IL36A: variants seen among roughly 807,000 people sequenced by gnomAD.
IL36A encodes interleukin-36 alpha.
In IL36A, 13 loss-of-function variants were observed where a neutral mutation model predicts 12.7. The ratio of observed to expected loss-of-function variants is 1.02; its 90% CI spans 0.67 to 1.63. The LOEUF is 1.63. Ranked by LOEUF, IL36A falls within the 40% of genes most tolerant of loss-of-function variation. The pLI is 0.00. For missense variants in IL36A, 195 were observed against 192.9 expected (o/e 1.01, Z -0.07); for synonymous variants, 73 against 71.9 (o/e 1.01, Z -0.08).
At chr2:113,008,977 C>A (rs1224353200), downstream of IL36A, among the ~76,000 whole-genome samples, 1 of 124,844 alleles carries the variant, frequency 8.0e-6, no homozygotes, top group Non-Finnish European at 1.7e-5. Flanking sequence ...CCCCTCCCCC[C>A]ACCCCACAAC....
chr2:113,007,139 C>A (rs781039476), intron 3 of IL36A, among the ~76,000 whole-genome samples: 72 of 152,110 alleles, frequency 4.7e-4, no homozygotes, highest in Non-Finnish European at 8.8e-4. Flanking sequence ...CGCAATTTTC[C>A]ATTATTAAAA....
At position 113,006,725 on chromosome 2, in the gene IL36A, A is replaced by C. The variant is rs188916293; in HGVS notation, c.252A>C (p.Thr84=). ...GTGCTAAAGTCGGGGACCAGCCCAC[A>C]CTGCAGCTGAAGGTGAGTGTGGAAG... ...LMCAKVGDQP[T]LQLKEKDIMD... is the part of the protein sequence containing the mutation. The change falls in exon 3 of 4, where the codon ACA becomes ACC. Residue 84 remains threonine (T), a synonymous_variant. Coordinates refer to ENST00000259211, the MANE Select transcript of IL36A (RefSeq NM_014440.3). 6.2e-7 allele frequency: 1 copy of C among 1,614,054 alleles called. No homozygotes were observed. Among genetic ancestry groups the C allele is most frequent in the Admixed American group, 1.7e-5 (1 of 60,010 alleles).
chr2:113,006,076 G>T lies in IL36A; in HGVS notation c.113G>T (p.Arg38Leu). Reference protein sequence around the residue: ...QTLIAVPRKDRMSPVTIALIS... With the variant: ...QTLIAVPRKDLMSPVTIALIS... ...CTCATAGCAGTCCCGAGGAAGGACC[G>T]TATGTCTCCAGGTGAGTAGCCACGG... The change falls in exon 2 of 4, where the codon CGT (arginine) becomes CTT (leucine). Residue 38 changes from arginine to leucine, a missense_variant. Coordinates refer to ENST00000259211, the MANE Select transcript of IL36A (RefSeq NM_014440.3). 6.2e-7 allele frequency: 1 copy of T among 1,609,584 alleles called. No individual in the cohort carries two copies. Among genetic ancestry groups the T allele is most frequent in the Admixed American group, 1.7e-5 (1 of 60,018 alleles).
At chr2:113,006,239 G>C (rs1350422724) in intron 2 of IL36A, 152 bp downstream of exon 2, 2 of 660,494 alleles carry the variant, frequency 3.0e-6, no homozygotes, top group African/African-American at 1.8e-5. Context: ...GTGAGCATAA[G>C]GTTGTTCTGG....
chr2:113,006,410 G>A (rs571505900), intron 2 of IL36A, among the ~76,000 whole-genome samples, 188 bp from the exon 3 acceptor site: 140 of 152,338 alleles, frequency 9.2e-4, no homozygotes, highest in African/African-American at 3.2e-3. Flanking sequence ...ATCCATGAAA[G>A]ACTGACTTTT....
At position 113,005,825 on chromosome 2, in the gene IL36A, C is replaced by T; in HGVS notation, c.-47C>T. 6.2e-7 allele frequency: 1 copy of T among 1,612,746 alleles called. No individual in the cohort carries two copies. The highest frequency in any genetic ancestry group is 8.5e-7 in the Non-Finnish European group (1 of 1,178,780). ...GGTCCTCTCTTGGGGTCGGTCTGCA[C>T]ATAAAAGGACTCCTATCCTTGGCAG... On this transcript the variant is annotated 5_prime_UTR_variant, in exon 1 of 4. Coordinates refer to ENST00000259211, the MANE Select transcript of IL36A (RefSeq NM_014440.3).
At chr2:113,008,216 C>T (rs1389766938), downstream of IL36A, among the ~76,000 whole-genome samples, 4 of 152,150 alleles carry the variant, frequency 2.6e-5, no homozygotes, top group Admixed American at 2.0e-4. Context: ...TCCCTGGGGC[C>T]ATGTGGAAAA....
At chr2:113,009,462 G>A (rs542220373), downstream of IL36A, among the ~76,000 whole-genome samples, 1 of 152,152 alleles carries the variant, frequency 6.6e-6, no homozygotes, top group Non-Finnish European at 1.5e-5. Flanking sequence ...TTCACCTAAA[G>A]TGTTATCACT....
chr2:113,006,824 A>T lies in IL36A; in HGVS notation c.264+87A>T, dbSNP rs193107742. On this transcript the variant is annotated intron_variant, in intron 3 of 3. Transcript: ENST00000259211. ...AAAAGACAATGTACTTATTATGCTCATGCATTTTTATTTTTGGTTTCCTTG... is the reference window on the plus strand; with the variant it reads ...AAAAGACAATGTACTTATTATGCTCTTGCATTTTTATTTTTGGTTTCCTTG... 4.9e-4 allele frequency: 686 copies of T among 1,410,180 alleles called. 5 individuals carry two copies. The African/African-American group carries it at 8.5e-3, about 18-fold the overall frequency. 87.4% of individuals were successfully genotyped at this position (1,410,180 alleles called of 1,614,324 possible).
chr2:113,010,094 A>G (rs553252469), downstream of IL36A, among the ~76,000 whole-genome samples: 1 of 152,272 alleles, frequency 6.6e-6, no homozygotes, highest in African/African-American at 2.4e-5. Context: ...ATGATTCCCA[A>G]AATAGTTCAT....
At chr2:113,010,724 A>G (rs1234018692), downstream of IL36A, among the ~76,000 whole-genome samples, 1 of 152,214 alleles carries the variant, frequency 6.6e-6, no homozygotes, top group Non-Finnish European at 1.5e-5. Flanking sequence ...TACTTGTATT[A>G]TGGCTTAAAA....
chr2:113,009,566 T>A (rs1416222581), downstream of IL36A, among the ~76,000 whole-genome samples: 1 of 152,232 alleles, frequency 6.6e-6, no homozygotes, highest in Non-Finnish European at 1.5e-5. Flanking sequence ...ATTGTGGTTA[T>A]AATATTGATT....
intron 2 of IL36A, 73 bp from the exon 3 acceptor site, chr2:113,006,525 C>T: frequency 6.4e-7 from 1 of 1,554,652 alleles, no homozygotes; most frequent in Non-Finnish European, 8.8e-7. Flanking sequence ...TAGCAGATTC[C>T]CTTAAAACTC....
chr2:113,009,476 C>T (rs1236205303), downstream of IL36A, among the ~76,000 whole-genome samples: 1 of 152,114 alleles, frequency 6.6e-6, no homozygotes, highest in East Asian at 1.9e-4. Context: ...TATCACTGGA[C>T]CTCAAAAGCA....
rs1684604395 is a variant in IL36A, at chr2:113,005,881, G to C, written c.10G>C (p.Ala4Pro). 6.2e-7 allele frequency: 1 copy of C among 1,613,950 alleles called. No individual in the cohort carries two copies. Residue 4 changes from alanine to proline, a missense_variant and splice_region_variant, in exon 1 of 4, where the codon GCA (alanine) becomes CCA (proline). Physicochemically the swap from Ala to Pro is conservative, Grantham distance 27 (BLOSUM62 -1). Coordinates refer to ENST00000259211, the MANE Select transcript of IL36A (RefSeq NM_014440.3). ...AAACAACACCACCACAATGGAAAAA[G>C]GTAAAGATCCTCGTGGAAGGGCGAA... MEK[A>P]LKIDTPQQGS... is the part of the protein sequence containing the mutation.
Position 113,006,171 on chromosome 2 carries a change from C to T in IL36A, c.124+84C>T, listed in dbSNP as rs1684616901. The T allele has an allele frequency of 5.8e-6, 5 of 868,282 alleles. No homozygotes were observed. The South Asian group carries it at 6.8e-5, about 12-fold the overall frequency. 53.8% of individuals were successfully genotyped at this position (868,282 alleles called of 1,614,324 possible). ...TGCTCAGATGTTATTCCACAGTGGG[C>T]TTGTTAACCGGGCATATCTACAGAG... On this transcript the variant is annotated intron_variant, in intron 2 of 3. Coordinates refer to ENST00000259211, the MANE Select transcript of IL36A (RefSeq NM_014440.3).
At chr2:113,009,184 T>C (rs921165581), downstream of IL36A, among the ~76,000 whole-genome samples, 1 of 151,936 alleles carries the variant, frequency 6.6e-6, no homozygotes, top group South Asian at 2.1e-4. Context: ...TATTCCATGA[T>C]GTATATGTGG....
At position 113,006,535 on chromosome 2, in the gene IL36A, C is replaced by G. The variant is rs1011146659; in HGVS notation, c.125-63C>G. The G allele has an allele frequency of 3.8e-6, 6 of 1,591,990 alleles. No individual in the cohort carries two copies. In the Admixed American group the frequency reaches 1.0e-4, roughly 27 times the overall value. On this transcript the variant is annotated intron_variant, in intron 2 of 3. Coordinates refer to ENST00000259211, the MANE Select transcript of IL36A (RefSeq NM_014440.3). The stretch of plus-strand genomic sequence containing the variant: ...TCAGTTAGCAGATTCCCTTAAAACT[C>G]TGGCTCAGAGGTACCACCCTGGAAA...
At chr2:113,007,754 G>A (rs1169637257) in intron 3 of IL36A, 78 bp from the exon 4 acceptor site, 6 of 1,169,238 alleles carry the variant, frequency 5.1e-6, no homozygotes, top group Non-Finnish European at 7.7e-6. Flanking sequence ...ATCCTTGGAC[G>A]TGGAATATCA....
Sources: allele counts gnomAD v4.1 joint callset (sites outside exome capture counted in the v4.1 genomes callset), GRCh38; gene constraint gnomAD v4.1.1; transcripts MANE v1.5; gene names NCBI Gene and HGNC (gene_info 2026-07-23, HGNC 2026-07-21).